DBF4B: variants seen among roughly 807,000 people sequenced by gnomAD.
DBF4B encodes the protein protein DBF4 homolog B.
DBF4B carries 49 observed loss-of-function variants against 53.4 expected under a neutral mutation model. The ratio of observed to expected loss-of-function variants is 0.92; its 90% CI spans 0.73 to 1.16. DBF4B has a LOEUF of 1.16. Ranked by LOEUF, DBF4B falls within the 50% of genes most tolerant of loss-of-function variation. The probability of loss-of-function intolerance (pLI) is 0.00; values close to 1 mark genes in which losing one functional copy is unlikely to be tolerated. For missense variants in DBF4B, 692 were observed against 775.0 expected, an observed-to-expected ratio of 0.89 and a Z score of 1.27; for synonymous variants, 257 against 288.7, an observed-to-expected ratio of 0.89 and a Z score of 1.11.
intron 11 of DBF4B, 51 bp from the exon 12 acceptor site, chr17:44,747,340 C>T (rs905035698): frequency 2.4e-5 from 39 of 1,608,878 alleles, no homozygotes; most frequent in Non-Finnish European, 3.1e-5. Context: ...TCCGTGTCCC[C>T]CTCCCCCCAG....
Position 44,750,850 on chromosome 17 carries a change from C to A in DBF4B, c.1445C>A (p.Ser482Tyr), listed in dbSNP as rs1421192410. 6.2e-7 allele frequency: 1 copy of A among 1,614,120 alleles called. No individual in the cohort carries two copies. The highest frequency in any genetic ancestry group is 1.1e-5 in the South Asian group (1 of 91,088). Residue 482 changes from serine to tyrosine, a missense_variant, in exon 14 of 14, where the codon TCC (serine) becomes TAC (tyrosine). Coordinates refer to ENST00000315005, the MANE Select transcript of DBF4B (RefSeq NM_145663.3). ...CCCCTCCATCCCTCCCAAGAAAACT[C>A]CTTTGCCCCGGCGGACATTCCTGTT... ...DMPLHPSQEN[S>Y]FAPADIPVKG...
intron 13 of DBF4B, chr17:44,748,734 G>C: frequency 1.5e-6 from 2 of 1,368,272 alleles, no homozygotes; most frequent in Non-Finnish European, 9.6e-7. Context: ...GCAGTGCTAA[G>C]AAGAGAGTGG....
chr17:44,748,431 CAGGATA>C lies in DBF4B; in HGVS notation c.1160_1165del (p.Ile387_Arg388del). The C allele has an allele frequency of 6.2e-7, 1 of 1,614,120 alleles. No individual in the cohort carries two copies. On this transcript the variant is annotated inframe_deletion, in exon 13 of 14. Coordinates refer to ENST00000315005, the MANE Select transcript of DBF4B (RefSeq NM_145663.3). ...CCTCCCATCCCAGGGCAGCATCTCC[CAGGATA>C]AGGAAAGAAGACAGCTGCCAGGCAT...
chr17:44,726,841 GTAATCC>G (rs1974390282), intron 3 of DBF4B, among the ~76,000 whole-genome samples: 1 of 152,144 alleles, frequency 6.6e-6, no homozygotes, highest in Non-Finnish European at 1.5e-5. Flanking sequence ...GCTCACACTT[GTAATCC>G]CAGCACTTTG....
At chr17:44,712,386 C>T (rs1972966207) in intron 2 of DBF4B, among the ~76,000 whole-genome samples, 1 of 136,098 alleles carries the variant, frequency 7.3e-6, no homozygotes, top group Admixed American at 8.7e-5. Context: ...CTCACTGCAA[C>T]CTCTGCCTCC....
chr17:44,714,098 C>G (rs1409234877), intron 2 of DBF4B, among the ~76,000 whole-genome samples: 1 of 152,054 alleles, frequency 6.6e-6, no homozygotes, highest in Non-Finnish European at 1.5e-5. Flanking sequence ...ATTTAGTTTT[C>G]ACTTGTAAGT....
chr17:44,749,294 G>A lies in DBF4B; in HGVS notation c.1189+829G>A. 1 of 1,290,276 alleles carries A rather than the reference G, an allele frequency of 7.8e-7. No individual in the cohort carries two copies. The highest frequency in any genetic ancestry group is 1.0e-6 in the Non-Finnish European group (1 of 988,842). The allele number at this position is 1,290,276 out of a possible 1,614,324, so 79.9% of individuals were successfully genotyped here. ...CAGCCCCAGCCCCAGCCCCATGCTG[G>A]CAGAGAGCTGCTCCTACGAGTCCCC... On this transcript the variant is annotated intron_variant, in intron 13 of 13. Coordinates refer to ENST00000315005, the MANE Select transcript of DBF4B (RefSeq NM_145663.3). This position sits in a 1 kb window ranked among gnomAD's most constrained non-coding sequence, Gnocchi z 4.4.
chr17:44,737,093 C>G (rs1975520487), intron 8 of DBF4B, among the ~76,000 whole-genome samples: 2 of 152,148 alleles, frequency 1.3e-5, no homozygotes, highest in African/African-American at 4.8e-5. Flanking sequence ...CCTTTAGAGC[C>G]AAGACCCCAT....
At position 44,749,770 on chromosome 17, in the gene DBF4B, CCT is replaced by C. The variant is rs1266417280; in HGVS notation, c.1190-820_1190-819del. On this transcript the variant is annotated intron_variant, in intron 13 of 13. Transcript: ENST00000315005. The surrounding 1 kb of genome is among the most constrained non-coding windows in gnomAD (Gnocchi z 4.4). ...CTTCCTGGCCCTCCACAGGCCCTTG[CCT>C]CTCTGCAGAGCCGCGGGTTAGCTGT... is the stretch of plus-strand genomic sequence containing the variant. The C allele has an allele frequency of 9.1e-6, 10 of 1,104,520 alleles. No individual in the cohort carries two copies. Among genetic ancestry groups the C allele is most frequent in the Non-Finnish European group, 1.1e-5 (10 of 897,514 alleles). The allele number at this position is 1,104,520 out of a possible 1,614,324, so 68.4% of individuals were successfully genotyped here.
At chr17:44,726,323 T>TATTTATTTATTTATTTATTTA (rs376910358) in intron 3 of DBF4B, among the ~76,000 whole-genome samples, 1 of 149,682 alleles carries the variant, frequency 6.7e-6, no homozygotes, top group African/African-American at 2.5e-5. Context: ...TTTATTTATT[T>TATTTATTTATTTATTTATTTA]ATTTATTTAT....
intron 3 of DBF4B, among the ~76,000 whole-genome samples, chr17:44,726,803 A>C (rs1475460026): frequency 6.6e-6 from 1 of 152,164 alleles, no homozygotes; most frequent in Admixed American, 6.6e-5. Context: ...TGATTCCATT[A>C]AAATATTTTT....
At position 44,741,411 on chromosome 17, in the gene DBF4B, C is replaced by T. The variant is rs1418079626; in HGVS notation, c.789C>T (p.Pro263=). 6.2e-7 allele frequency: 1 copy of T among 1,613,582 alleles called. No homozygotes were observed. Among genetic ancestry groups the T allele is most frequent in the Non-Finnish European group, 8.5e-7 (1 of 1,179,696 alleles). The change falls in exon 10 of 14, where the codon CCC becomes CCT. Residue 263 remains proline (P), a synonymous_variant. Coordinates refer to ENST00000315005, the MANE Select transcript of DBF4B (RefSeq NM_145663.3). ...TTCTTGGACCCAAAGATGCAAGTCC[C>T]TTTGAGGCCCCGACGACCCTGGGCA... ...ISFLGPKDAS[P]FEAPTTLGSM... is the part of the protein sequence containing the mutation.
At chr17:44,737,800 C>G (rs571761207) in intron 8 of DBF4B, among the ~76,000 whole-genome samples, 1 of 152,218 alleles carries the variant, frequency 6.6e-6, no homozygotes, top group South Asian at 2.1e-4. Context: ...CAGATTTTAC[C>G]TGTGATATTT....
chr17:44,729,174 G>A (rs918390764), intron 3 of DBF4B, among the ~76,000 whole-genome samples: 2 of 151,532 alleles, frequency 1.3e-5, no homozygotes, highest in Non-Finnish European at 2.9e-5. Context: ...GTGGTAAAGT[G>A]TATATAACAT....
At position 44,723,020 on chromosome 17, in the gene DBF4B, G is replaced by T; in HGVS notation, c.223G>T (p.Gly75Trp). 1 of 1,613,954 alleles carries T rather than the reference G, an allele frequency of 6.2e-7. No homozygotes were observed. The highest frequency in any genetic ancestry group is 1.3e-5 in the African/African-American group (1 of 75,052). ...GACGGGGGCCATTCAGCAACTGGGT[G>T]GGGTAGGTAACCTGCTCTTCTCCTG... ...FLTGAIQQLG[G>W]VIEGFLSKEV... The change falls in exon 3 of 14, where the codon GGG (glycine) becomes TGG (tryptophan). Residue 75 changes from glycine to tryptophan, a missense_variant and splice_region_variant. By Grantham distance (184) the Gly-to-Trp change is radical. This residue lies in a region of DBF4B where 29 missense variants were observed against 57.8 expected (regional missense o/e 0.50). Transcript: ENST00000315005.
At position 44,729,932 on chromosome 17, in the gene DBF4B, G is replaced by A. The variant is rs750811439; in HGVS notation, c.253G>A (p.Val85Ile). ...GVIEGFLSKE[V>I]SYIVSSRREV... ...AATTGAGGGTTTTCTGAGCAAAGAA[G>A]TAAGTTACATCGTGTCCAGCCGCAG... Residue 85 changes from valine (V) to isoleucine (I), a missense_variant, in exon 4 of 14, where the codon GTA becomes ATA. Around this residue, in one of 3 missense-constraint regions of DBF4B, gnomAD observed 29 missense variants for 57.8 expected, o/e 0.50. Coordinates refer to ENST00000315005, the MANE Select transcript of DBF4B (RefSeq NM_145663.3). 2.6e-5 allele frequency: 42 copies of A among 1,613,970 alleles called. No homozygotes were observed. The highest frequency in any genetic ancestry group is 3.6e-5 in the Non-Finnish European group (42 of 1,180,024).
In DBF4B at chr17:44,726,292, T is replaced by TTTTATGTATTTA. The variant is rs1555676225; in HGVS notation, c.225+3275_225+3276insGTATTTATTTAT. Among the ~76,000 whole-genome samples, 65 of 132,090 alleles carry TTTTATGTATTTA rather than the reference T, an allele frequency of 4.9e-4. 1 individual carries two copies. In the South Asian group the frequency reaches 0.016, roughly 32 times the overall value. The allele number at this position is 132,090 out of a possible 152,430, so 86.7% of individuals were successfully genotyped here. On this transcript the variant is annotated intron_variant, in intron 3 of 13. Coordinates refer to ENST00000315005, the MANE Select transcript of DBF4B (RefSeq NM_145663.3). ...GTGTGAGCCATCGCACCCGGCCCTT[T>TTTTATGTATTTA]TTTATTTATTTATTTATTTATTTAT...
At chr17:44,725,065 G>A (rs1349564431) in intron 3 of DBF4B, among the ~76,000 whole-genome samples, 3 of 144,708 alleles carry the variant, frequency 2.1e-5, no homozygotes, top group Non-Finnish European at 3.0e-5. Context: ...GCGGTGAGTC[G>A]AGATCACGCC....
chr17:44,719,899 G>T, intron 2 of DBF4B: 1 of 210,458 alleles, frequency 4.8e-6, no homozygotes. Flanking sequence ...GCGCTGCTCT[G>T]TAATCTATTT....
Sources: gnomAD v4.1 joint callset for allele counts (sites outside exome capture counted in the v4.1 genomes callset) on GRCh38, gnomAD v4.1.1 for gene constraint, gnomAD v4.1.1 regional missense constraint, Gnocchi (gnomAD v3.1) non-coding constraint, MANE v1.5 for transcripts, NCBI Gene and HGNC (gene_info 2026-07-23, HGNC 2026-07-21) for gene names.